Variants in RBFOX1 observed in about 807,000 individuals in gnomAD.
RBFOX1 encodes RNA binding protein fox-1 homolog 1.
Under a neutral mutation model 57.7 loss-of-function variants are expected in RBFOX1, and 8 were observed. The observed-to-expected ratio is 0.14, with a 90% CI of 0.08 to 0.25. RBFOX1 has a LOEUF of 0.25. Ranked by LOEUF, RBFOX1 falls within the 10% of genes least tolerant of loss-of-function variation. The pLI is 1.00. For missense variants in RBFOX1, 611 were observed against 548.5 expected, an observed-to-expected ratio of 1.11 and a Z score of -1.14; for synonymous variants, 326 against 222.4, an observed-to-expected ratio of 1.47 and a Z score of -4.15.
At chr16:6,407,605 A>G (rs2093333599) in intron 2 of RBFOX1, among the ~76,000 whole-genome samples, 1 of 120,860 alleles carries the variant, frequency 8.3e-6, no homozygotes, top group African/African-American at 3.9e-5. Flanking sequence ...AGTACATTCT[A>G]TCCTAGGAAA....
intron 3 of RBFOX1, among the ~76,000 whole-genome samples, chr16:7,002,196 T>A (rs2092879439): frequency 6.6e-6 from 1 of 152,144 alleles, no homozygotes; most frequent in South Asian, 2.1e-4. Flanking sequence ...TCTAAGAAAT[T>A]AGGAAAGGGA....
At chr16:6,853,733 T>G (rs952355492) in intron 3 of RBFOX1, among the ~76,000 whole-genome samples, 1 of 152,150 alleles carries the variant, frequency 6.6e-6, no homozygotes, top group African/African-American at 2.4e-5. Flanking sequence ...ACAATGTGAT[T>G]GGGATAATGC....
At chr16:6,272,457 G>T (rs1445695848) in intron 1 of RBFOX1, among the ~76,000 whole-genome samples, 1 of 152,116 alleles carries the variant, frequency 6.6e-6, no homozygotes, top group Non-Finnish European at 1.5e-5. Context: ...AATTTAAGGG[G>T]AGACATCATT....
At chr16:5,374,505 G>A (rs74003896) in intron 1 of RBFOX1, among the ~76,000 whole-genome samples, 1,719 of 152,244 alleles carry the variant, frequency 0.011, 38 homozygotes, top group African/African-American at 0.039. Context: ...TATGGGAGCA[G>A]GCAGCAGTTT....
chr16:5,343,856 G>A (rs986967623), intron 1 of RBFOX1, among the ~76,000 whole-genome samples: 1 of 152,186 alleles, frequency 6.6e-6, no homozygotes, highest in African/African-American at 2.4e-5. Flanking sequence ...TTACTAAATA[G>A]TTCACTTAGG....
At chr16:6,030,982 A>G (rs1383021177) in intron 1 of RBFOX1, among the ~76,000 whole-genome samples, 1 of 152,216 alleles carries the variant, frequency 6.6e-6, no homozygotes, top group Non-Finnish European at 1.5e-5. Context: ...CTTATGCTGT[A>G]GTGAGAGAGA....
chr16:7,256,290 G>C (rs2094680149), intron 4 of RBFOX1, among the ~76,000 whole-genome samples: 1 of 152,132 alleles, frequency 6.6e-6, no homozygotes, highest in African/African-American at 2.4e-5. Flanking sequence ...GAGGGGAGAG[G>C]TTAAGCCTCA....
intron 4 of RBFOX1, among the ~76,000 whole-genome samples, chr16:7,450,655 C>T (rs1391422382): frequency 6.6e-6 from 1 of 152,004 alleles, no homozygotes; most frequent in African/African-American, 2.4e-5. Context: ...CACTTTTCCG[C>T]CTGATTTAAA....
intron 3 of RBFOX1, among the ~76,000 whole-genome samples, chr16:5,662,756 AG>A (rs1469523910): frequency 6.6e-6 from 1 of 152,220 alleles, no homozygotes; most frequent in Non-Finnish European, 1.5e-5. Context: ...TTCCAGTGCT[AG>A]TTGAAACTGA....
chr16:6,888,099 A>C (rs568665474), intron 3 of RBFOX1, among the ~76,000 whole-genome samples: 1 of 152,192 alleles, frequency 6.6e-6, no homozygotes, highest in Non-Finnish European at 1.5e-5. Flanking sequence ...AATAAGCCTC[A>C]TAAGCTTTAC....
At chr16:5,320,758 T>C (rs2064379350) in intron 1 of RBFOX1, among the ~76,000 whole-genome samples, 1 of 152,168 alleles carries the variant, frequency 6.6e-6, no homozygotes, top group African/African-American at 2.4e-5. Flanking sequence ...ACCCTTGATA[T>C]CGGGACCACA....
chr16:7,709,535 G>A (rs766797880), intron 15 of RBFOX1: 1 of 1,533,440 alleles, frequency 6.5e-7, no homozygotes. Context: ...GAGGAGCTAA[G>A]CTGCACACTT....
chr16:6,754,795 C>A (rs1344459513), intron 3 of RBFOX1, among the ~76,000 whole-genome samples: 1 of 151,952 alleles, frequency 6.6e-6, no homozygotes, highest in African/African-American at 2.4e-5. Flanking sequence ...TGCTGGTGTG[C>A]TCCACCCATT....
intron 2 of RBFOX1, among the ~76,000 whole-genome samples, chr16:6,527,811 G>A (rs562791101): frequency 7.4e-4 from 112 of 152,172 alleles, no homozygotes; most frequent in Middle Eastern, 3.4e-3. Flanking sequence ...TGTAGGGTAG[G>A]GACGTGTGGA....
At chr16:6,236,991 A>G (rs2097509889) in intron 1 of RBFOX1, among the ~76,000 whole-genome samples, 1 of 152,172 alleles carries the variant, frequency 6.6e-6, no homozygotes, top group Non-Finnish European at 1.5e-5. Context: ...TTTCATCTCT[A>G]AACAAACTCA....
intron 3 of RBFOX1, among the ~76,000 whole-genome samples, chr16:6,951,310 A>T (rs117073185): frequency 6.6e-6 from 1 of 152,160 alleles, no homozygotes; most frequent in Admixed American, 6.5e-5. Context: ...TGTAGGCTGG[A>T]TACTGGAGTC....
At chr16:7,373,823 AGAT>A (rs1410064925) in intron 4 of RBFOX1, among the ~76,000 whole-genome samples, 2 of 152,228 alleles carry the variant, frequency 1.3e-5, no homozygotes, top group Non-Finnish European at 2.9e-5. Context: ...TTTTTCAAGA[AGAT>A]GGACACATTC....
chr16:6,475,824 T>A (rs1018975125), intron 2 of RBFOX1, among the ~76,000 whole-genome samples: 1 of 152,212 alleles, frequency 6.6e-6, no homozygotes, highest in Non-Finnish European at 1.5e-5. Flanking sequence ...TTGTGAGGAA[T>A]ATTTCAATAG....
intron 2 of RBFOX1, among the ~76,000 whole-genome samples, chr16:5,587,524 C>A (rs1202869441): frequency 6.6e-6 from 1 of 152,092 alleles, no homozygotes; most frequent in Non-Finnish European, 1.5e-5. Flanking sequence ...ACAAGCCTGG[C>A]CAACATGGTG....
Sources: allele counts gnomAD v4.1 joint callset (sites outside exome capture counted in the v4.1 genomes callset), GRCh38; gene constraint gnomAD v4.1.1; transcripts MANE v1.5; gene names NCBI Gene and HGNC (gene_info 2026-07-23, HGNC 2026-07-21).